WASF3: variants seen among roughly 807,000 people sequenced by gnomAD.
WASF3 encodes actin-binding protein WASF3.
Under a neutral mutation model 46.6 loss-of-function variants are expected in WASF3, and 11 were observed. That is an observed-to-expected ratio of 0.24 (90% CI 0.15 to 0.39). The LOEUF (loss-of-function observed/expected upper bound fraction) is 0.39, where lower values mean the gene tolerates loss of function less well. Ranked by LOEUF, WASF3 falls within the 10% of genes least tolerant of loss-of-function variation. The probability of loss-of-function intolerance (pLI) is 1.00; values close to 1 mark genes in which losing one functional copy is unlikely to be tolerated. For missense variants in WASF3, 576 were observed against 669.8 expected, an observed-to-expected ratio of 0.86 and a Z score of 1.55; for synonymous variants, 242 against 259.7, an observed-to-expected ratio of 0.93 and a Z score of 0.65.
chr13:26,556,770 T>C (rs1365807272), upstream of WASF3, among the ~76,000 whole-genome samples: 1 of 152,244 alleles, frequency 6.6e-6, no homozygotes, highest in Non-Finnish European at 1.5e-5. Context: ...CCAACTTGAA[T>C]TAGTGTTTCT....
chr13:26,649,120 A>AT (rs1882235856), intron 3 of WASF3, among the ~76,000 whole-genome samples: 1 of 152,164 alleles, frequency 6.6e-6, no homozygotes, highest in South Asian at 2.1e-4. Flanking sequence ...ATTTCATATA[A>AT]TTTTATCTCA....
At chr13:26,609,602 G>A (rs2137218394) in intron 1 of WASF3, 1 of 151,254 alleles carries the variant, frequency 6.6e-6, no homozygotes, top group South Asian at 2.1e-4. Flanking sequence ...TCCCTGAATG[G>A]TATAAATAAT....
intron 1 of WASF3, among the ~76,000 whole-genome samples, chr13:26,581,808 G>T (rs1879987230): frequency 2.0e-5 from 3 of 152,202 alleles, no homozygotes; most frequent in South Asian, 4.1e-4. Context: ...ATCATTTGGA[G>T]TATCAAATAC....
intron 3 of WASF3, among the ~76,000 whole-genome samples, chr13:26,649,086 G>A (rs1882235347): frequency 1.3e-5 from 2 of 152,002 alleles, no homozygotes; most frequent in South Asian, 4.2e-4. Context: ...AAATTTATCT[G>A]GTTTTATCAT....
the WASF3 span, among the ~76,000 whole-genome samples, chr13:26,547,265 G>A: frequency 6.6e-6 from 1 of 151,974 alleles, no homozygotes; most frequent in African/African-American, 2.4e-5. Context: ...TATATTTGAT[G>A]AGATACCTTA....
intron 1 of WASF3, among the ~76,000 whole-genome samples, chr13:26,599,789 C>T (rs954876138): frequency 6.6e-6 from 1 of 152,154 alleles, no homozygotes; most frequent in African/African-American, 2.4e-5. Context: ...TCTTTGTGTT[C>T]TATCCACATT....
chr13:26,593,717 C>A (rs547309049), intron 1 of WASF3, among the ~76,000 whole-genome samples: 1 of 152,192 alleles, frequency 6.6e-6, no homozygotes, highest in Non-Finnish European at 1.5e-5. Flanking sequence ...TAGGTACTAG[C>A]ATATAGTAGG....
chr13:26,636,602 G>GGGAGCTGCACTGCAGACC (rs1287096469), intron 2 of WASF3, among the ~76,000 whole-genome samples: 1 of 152,224 alleles, frequency 6.6e-6, no homozygotes, highest in African/African-American at 2.4e-5. Flanking sequence ...CGATCATGCT[G>GGGAGCTGCACTGCAGACC]GGAGCTGCAC....
At chr13:26,659,391 A>G (rs1037540706) in intron 3 of WASF3, among the ~76,000 whole-genome samples, 1 of 152,206 alleles carries the variant, frequency 6.6e-6, no homozygotes, top group Admixed American at 6.5e-5. Context: ...GATGAGGCCC[A>G]AAGGTGAACG....
At chr13:26,681,417 C>G in intron 8 of WASF3, 97 bp downstream of exon 8, 3 of 1,388,196 alleles carry the variant, frequency 2.2e-6, no homozygotes, top group Non-Finnish European at 2.9e-6. Context: ...TTTTAGAGGC[C>G]AAGATAGAGT....
chr13:26,547,742 C>T, the WASF3 span, among the ~76,000 whole-genome samples: 1 of 152,318 alleles, frequency 6.6e-6, no homozygotes, highest in East Asian at 1.9e-4. Context: ...ATCTTCTCCA[C>T]TGAATCGCAA....
chr13:26,658,651 C>G (rs939678632), intron 3 of WASF3, among the ~76,000 whole-genome samples: 3 of 152,206 alleles, frequency 2.0e-5, no homozygotes. Context: ...TGGCATAGAT[C>G]ATGTGTTTTT....
intron 3 of WASF3, among the ~76,000 whole-genome samples, chr13:26,661,905 G>A (rs1882643277): frequency 6.6e-6 from 1 of 152,186 alleles, no homozygotes; most frequent in African/African-American, 2.4e-5. Flanking sequence ...GAAATGGTAG[G>A]TAAAGCACTT....
At chr13:26,563,777 A>AT (rs200540595) in intron 1 of WASF3, among the ~76,000 whole-genome samples, 2,533 of 147,242 alleles carry the variant, frequency 0.017, 46 homozygotes, top group African/African-American at 0.045. Context: ...TCTCTGGGAG[A>AT]TTAGCTCTTC....
intron 1 of WASF3, among the ~76,000 whole-genome samples, chr13:26,603,225 C>A (rs545063587): frequency 6.6e-6 from 1 of 152,196 alleles, no homozygotes; most frequent in East Asian, 1.9e-4. Flanking sequence ...TGTGTCGGGG[C>A]CTGGGTGGTA....
At chr13:26,552,168 C>G in the WASF3 span, among the ~76,000 whole-genome samples, 1 of 152,188 alleles carries the variant, frequency 6.6e-6, no homozygotes, top group Admixed American at 6.5e-5. Flanking sequence ...ATCAGTGAGT[C>G]TTGGCTGGGT....
chr13:26,668,729 G>C (rs1287396063), intron 5 of WASF3, among the ~76,000 whole-genome samples: 1 of 152,252 alleles, frequency 6.6e-6, no homozygotes, highest in Non-Finnish European at 1.5e-5. Flanking sequence ...CAGACAGGGA[G>C]AGGCTCTCAG....
upstream of WASF3, among the ~76,000 whole-genome samples, chr13:26,554,827 G>A (rs944175597): frequency 5.9e-5 from 9 of 152,270 alleles, no homozygotes; most frequent in South Asian, 6.2e-4. Context: ...CCAGGGTCTC[G>A]TGATTATGAA....
the WASF3 span, among the ~76,000 whole-genome samples, chr13:26,547,757 C>T: frequency 6.6e-6 from 1 of 152,150 alleles, no homozygotes; most frequent in Admixed American, 6.5e-5. Context: ...TCGCAAGTTC[C>T]TTGGTGGCTG....
Sources: allele counts gnomAD v4.1 joint callset (sites outside exome capture counted in the v4.1 genomes callset), GRCh38; gene constraint gnomAD v4.1.1; transcripts MANE v1.5; gene names NCBI Gene and HGNC (gene_info 2026-07-23, HGNC 2026-07-21).